Variants in TMEM108 observed in about 807,000 individuals in gnomAD.
TMEM108 encodes transmembrane protein 108, also known as cancer/testis antigen 124.
A neutral mutation model predicts 35.1 loss-of-function variants in TMEM108; 12 were observed. That is an observed-to-expected ratio of 0.34 (90% CI 0.22 to 0.55). The LOEUF (loss-of-function observed/expected upper bound fraction) is 0.55. Among genes scored for constraint, TMEM108 ranks in the 20% least tolerant of loss-of-function variants. The pLI is 0.89. For synonymous variants in TMEM108, 287 were observed against 308.6 expected (o/e 0.93, Z 0.73); for missense variants, 680 against 753.3 (o/e 0.90, Z 1.14).
At chr3:133,219,432 T>G (rs1008160987) in intron 2 of TMEM108, among the ~76,000 whole-genome samples, 6 of 148,278 alleles carry the variant, frequency 4.0e-5, no homozygotes, top group Non-Finnish European at 8.9e-5. Context: ...TGATGTATGA[T>G]GTTAGTTTAT....
At chr3:133,390,065 C>T (rs2073211721) in intron 4 of TMEM108, 115 bp from the exon 5 acceptor site, 2 of 1,319,494 alleles carry the variant, frequency 1.5e-6, no homozygotes, top group Non-Finnish European at 2.1e-6. Flanking sequence ...TGCCCTGCCC[C>T]TTTTCCCACC....
At chr3:133,356,673 C>T (rs1163380065) in intron 3 of TMEM108, among the ~76,000 whole-genome samples, 3 of 152,058 alleles carry the variant, frequency 2.0e-5, no homozygotes, top group Non-Finnish European at 4.4e-5. Flanking sequence ...AAACCAAATA[C>T]CTACAGCCAA....
chr3:133,261,097 G>A (rs1946616737), intron 3 of TMEM108, among the ~76,000 whole-genome samples: 1 of 152,148 alleles, frequency 6.6e-6, no homozygotes, highest in African/African-American at 2.4e-5. Context: ...AGAACACACG[G>A]ACAGTGAGAA....
chr3:133,393,620 T>G (rs1567787), intron 5 of TMEM108, among the ~76,000 whole-genome samples: 139,639 of 152,210 alleles, frequency 0.92, 64,221 homozygotes, highest in East Asian at 0.99. Flanking sequence ...ACCTTTAGTG[T>G]GGCCTGTACA....
chr3:133,282,758 T>C (rs1946932836), intron 3 of TMEM108, among the ~76,000 whole-genome samples: 1 of 152,212 alleles, frequency 6.6e-6, no homozygotes, highest in South Asian at 2.1e-4. Context: ...TGAAGTACAT[T>C]GCAGCATTGT....
At chr3:133,367,811 A>G (rs2107806974) in intron 3 of TMEM108, among the ~76,000 whole-genome samples, 1 of 152,306 alleles carries the variant, frequency 6.6e-6, no homozygotes, top group East Asian at 1.9e-4. Context: ...TGTCTCTGCT[A>G]ACCACTAGCC....
chr3:133,212,848 C>T lies in TMEM108; in HGVS notation c.-46-16418C>T, dbSNP rs184841916. Among the ~76,000 whole-genome samples, 259 of 115,778 alleles carry T rather than the reference C, an allele frequency of 2.2e-3. 1 individual carries two copies. Among genetic ancestry groups the T allele is most frequent in the Non-Finnish European group, 4.4e-4 (27 of 61,214 alleles). 76.0% of individuals were successfully genotyped at this position (115,778 alleles called of 152,430 possible). A position where few individuals can be genotyped will look rare whatever the true frequency, so the allele number is the denominator to read the frequency against. ...CACCACTGCACTCCAGCCTGAGTGA[C>T]AGAGGGAGACTCTGTCTCAAAAAAA... On this transcript the variant is annotated intron_variant, in intron 2 of 5. Transcript: ENST00000321871.
At chr3:133,119,251 G>A (rs1944323399) in intron 2 of TMEM108, 2 of 151,750 alleles carry the variant, frequency 1.3e-5, no homozygotes, top group Non-Finnish European at 2.9e-5. Flanking sequence ...AAAAAAAGAG[G>A]GAAAAAAGAG....
intron 3 of TMEM108, among the ~76,000 whole-genome samples, chr3:133,257,549 T>C (rs556756551): frequency 2.0e-5 from 3 of 152,334 alleles, no homozygotes; most frequent in East Asian, 3.9e-4. Flanking sequence ...TAAAGAAGTA[T>C]TGTGTTTCTC....
chr3:133,144,024 C>T (rs1944679048), intron 2 of TMEM108, among the ~76,000 whole-genome samples: 1 of 149,620 alleles, frequency 6.7e-6, no homozygotes, highest in African/African-American at 2.5e-5. Context: ...GCAGAACGTG[C>T]AGCTTTGTTA....
intron 3 of TMEM108, among the ~76,000 whole-genome samples, chr3:133,267,096 A>AG (rs1946709504): frequency 6.6e-6 from 1 of 150,992 alleles, no homozygotes; most frequent in East Asian, 1.9e-4. Flanking sequence ...AAAAAAAAAA[A>AG]GAACTCCCAA....
chr3:133,131,426 G>A (rs532044516), intron 2 of TMEM108, among the ~76,000 whole-genome samples: 1 of 150,116 alleles, frequency 6.7e-6, no homozygotes, highest in Admixed American at 6.7e-5. Flanking sequence ...TCATGTCTCT[G>A]TGTCACATTT....
chr3:133,170,987 G>A (rs1038831776), intron 2 of TMEM108, among the ~76,000 whole-genome samples: 2 of 152,148 alleles, frequency 1.3e-5, no homozygotes, highest in East Asian at 3.9e-4. Flanking sequence ...GATATTGTTA[G>A]CAGGATGTAT....
chr3:133,375,624 G>A (rs2072813725), intron 3 of TMEM108, among the ~76,000 whole-genome samples: 1 of 152,204 alleles, frequency 6.6e-6, no homozygotes, highest in Admixed American at 6.5e-5. Context: ...TTGTGACAGT[G>A]TGCATAGCAT....
At chr3:133,040,191 TTTG>T (rs1208160845) in intron 1 of TMEM108, among the ~76,000 whole-genome samples, 23 of 115,030 alleles carry the variant, frequency 2.0e-4, no homozygotes, top group African/African-American at 8.4e-4. Context: ...CACAGTTTTT[TTTG>T]TTTGTTTGTT....
intron 3 of TMEM108, among the ~76,000 whole-genome samples, chr3:133,264,890 T>C (rs1235616809): frequency 6.6e-6 from 1 of 152,146 alleles, no homozygotes; most frequent in African/African-American, 2.4e-5. Flanking sequence ...CAGAAAGGGA[T>C]TGCATATAAG....
intron 5 of TMEM108, among the ~76,000 whole-genome samples, chr3:133,393,742 T>G (rs1261270224): frequency 6.6e-6 from 1 of 152,224 alleles, no homozygotes; most frequent in Non-Finnish European, 1.5e-5. Flanking sequence ...ACCCCTGAAC[T>G]TTAAATTTCT....
intron 3 of TMEM108, among the ~76,000 whole-genome samples, chr3:133,232,193 T>A (rs1946163295): frequency 6.6e-6 from 1 of 152,152 alleles, no homozygotes; most frequent in Admixed American, 6.5e-5. Context: ...TTTATCCCGT[T>A]TTGGAGGTAG....
At chr3:133,038,463 A>C (rs1035530449) in intron 1 of TMEM108, 28 bp downstream of exon 1, 1 of 152,366 alleles carries the variant, frequency 6.6e-6, no homozygotes, top group Non-Finnish European at 1.5e-5. Flanking sequence ...GCGTCCCCCC[A>C]GTCCTTCCCA....
Sources: allele counts gnomAD v4.1 joint callset (sites outside exome capture counted in the v4.1 genomes callset), GRCh38; gene constraint gnomAD v4.1.1; transcripts MANE v1.5; gene names NCBI Gene and HGNC (gene_info 2026-07-23, HGNC 2026-07-21).